The following GEMIN7 variants were observed in gnomAD, a reference collection of about 807,000 sequenced individuals.
GEMIN7 encodes gem-associated protein 7.
GEMIN7 carries 7 observed loss-of-function variants against 7.8 expected under a neutral mutation model. That is an observed-to-expected ratio of 0.90 (90% confidence interval 0.51 to 1.69). The LOEUF (loss-of-function observed/expected upper bound fraction) is 1.69, where lower values mean the gene tolerates loss of function less well. Ranked by LOEUF, GEMIN7 falls within the 40% of genes most tolerant of loss-of-function variation. The probability of loss-of-function intolerance (pLI) is 0.00; values close to 1 mark genes in which losing one functional copy is unlikely to be tolerated. For missense variants in GEMIN7, 159 were observed against 176.2 expected, an observed-to-expected ratio of 0.90 and a Z score of 0.55; for synonymous variants, 68 against 72.4, an observed-to-expected ratio of 0.94 and a Z score of 0.31.
intron 2 of GEMIN7, among the ~76,000 whole-genome samples, chr19:45,086,563 G>A (rs931333364): frequency 1.3e-5 from 2 of 152,124 alleles, no homozygotes; most frequent in South Asian, 2.1e-4. Flanking sequence ...CCCCATGCCC[G>A]CCCTGTGAGT....
intron 2 of GEMIN7, among the ~76,000 whole-genome samples, chr19:45,084,662 C>G (rs1967619199): frequency 1.3e-5 from 2 of 152,250 alleles, no homozygotes; most frequent in Non-Finnish European, 2.9e-5. Context: ...ACTGCAACCT[C>G]TGCCTCCCGG....
chr19:45,089,086 C>T (rs1219132220), intron 2 of GEMIN7, among the ~76,000 whole-genome samples: 4 of 151,916 alleles, frequency 2.6e-5, no homozygotes, highest in East Asian at 3.9e-4. Context: ...GGACTACAGG[C>T]GCATGACACC....
At chr19:45,085,277 G>C (rs536848122) in intron 2 of GEMIN7, 4 of 152,108 alleles carry the variant, frequency 2.6e-5, no homozygotes, top group Non-Finnish European at 5.9e-5. Context: ...TGACCTGTTT[G>C]TCTGCATCAG....
rs994505486 is a variant in GEMIN7 at position 45,084,364 on chromosome 19, TATAAA to T, written c.-9+4348_-9+4352del. 9.6e-4 allele frequency among the ~76,000 whole-genome samples: 98 copies of T among 101,886 alleles called. 3 individuals carry two copies. The highest frequency in any genetic ancestry group is 4.1e-3 in the African/African-American group (92 of 22,234). The allele number at this position is 101,886 out of a possible 152,430, so 66.8% of individuals were successfully genotyped here. ...GGGCAATATAGTGCGACTTCATCTC[TATAAA>T]ATAAAATAAAATTAATTAATTAAAA... On this transcript the variant is annotated intron_variant, in intron 2 of 2. Transcript: ENST00000270257.
chr19:45,084,841 T>C (rs1568431287), intron 2 of GEMIN7, among the ~76,000 whole-genome samples: 1 of 152,250 alleles, frequency 6.6e-6, no homozygotes, highest in Non-Finnish European at 1.5e-5. Context: ...CCACAACCTC[T>C]GCCTCCTGAG....
At chr19:45,086,533 G>T (rs556200955) in intron 2 of GEMIN7, among the ~76,000 whole-genome samples, 1 of 152,248 alleles carries the variant, frequency 6.6e-6, no homozygotes, top group East Asian at 1.9e-4. Flanking sequence ...AAACATGGTA[G>T]GTTAGTTAGG....
chr19:45,089,393 G>C (rs954557187), intron 2 of GEMIN7, among the ~76,000 whole-genome samples: 2 of 152,092 alleles, frequency 1.3e-5, no homozygotes, highest in South Asian at 2.1e-4. Flanking sequence ...GTTATAATCT[G>C]TAACTATCAT....
chr19:45,089,639 T>C (rs1293984446), intron 2 of GEMIN7, among the ~76,000 whole-genome samples: 3 of 152,152 alleles, frequency 2.0e-5, no homozygotes, highest in Non-Finnish European at 2.9e-5. Context: ...TGGGCTCAAC[T>C]AATCCTTCTC....
rs893129133 is a variant in GEMIN7, at chr19:45,091,022, C to A, written c.*512C>A. 15 of 172,018 alleles carry A rather than the reference C, an allele frequency of 8.7e-5. No individual in the cohort carries two copies. The highest frequency in any genetic ancestry group is 1.8e-4 in the South Asian group (1 of 5,614). The allele number at this position is 172,018 out of a possible 1,614,324, so 10.7% of individuals were successfully genotyped here. A position where few individuals can be genotyped will look rare whatever the true frequency, so the allele number is the denominator to read the frequency against. ...AGGGCTGAATCCAGTGGAGCTGGGCCAAGTACGACAGGAGTCCAGATAAAG... is the reference window on the plus strand; with the variant it reads ...AGGGCTGAATCCAGTGGAGCTGGGCAAAGTACGACAGGAGTCCAGATAAAG... On this transcript the variant is annotated 3_prime_UTR_variant, in exon 3 of 3. Coordinates refer to ENST00000270257, the MANE Select transcript of GEMIN7 (RefSeq NM_024707.3).
At chr19:45,077,582 T>G (rs1967380701), upstream of GEMIN7, among the ~76,000 whole-genome samples, 1 of 152,186 alleles carries the variant, frequency 6.6e-6, no homozygotes, top group Non-Finnish European at 1.5e-5. Flanking sequence ...CCAGCTGTCC[T>G]CAGCCCAGAT....
chr19:45,087,074 T>C (rs984626214), intron 2 of GEMIN7, among the ~76,000 whole-genome samples: 4 of 152,122 alleles, frequency 2.6e-5, no homozygotes, highest in Admixed American at 2.0e-4. Flanking sequence ...CTTGAACTCT[T>C]GATCTCGTGA....
rs1411486479 is a variant in GEMIN7, at chr19:45,090,188, T to C, written c.74T>C (p.Phe25Ser). 8 of 1,614,180 alleles carry C rather than the reference T, an allele frequency of 5.0e-6. No individual in the cohort carries two copies. The highest frequency in any genetic ancestry group is 6.8e-6 in the Non-Finnish European group (8 of 1,180,034). The part of the protein sequence containing the change: ...PRGPDGFSRG[F>S]APDGRRAPLR... The stretch of plus-strand genomic sequence containing the variant: ...GGCCCTGATGGCTTCAGCCGTGGCT[T>C]TGCCCCTGATGGACGCAGAGCCCCC... The change falls in exon 3 of 3, where the codon TTT becomes TCT. Residue 25 changes from phenylalanine (F) to serine (S), a missense_variant. Coordinates refer to ENST00000270257, the MANE Select transcript of GEMIN7 (RefSeq NM_024707.3).
chr19:45,084,672 G>T (rs1204514914), intron 2 of GEMIN7, among the ~76,000 whole-genome samples: 13 of 152,162 alleles, frequency 8.5e-5, no homozygotes, highest in Non-Finnish European at 8.8e-5. Flanking sequence ...CTGCCTCCCG[G>T]GTTCAAGAGA....
chr19:45,090,136 C>CCCGTGCCTGTGCT lies in GEMIN7; in HGVS notation c.26_38dup (p.Leu14AlafsTer10). ...GACAATGCAAACTCCAGTGAACATT[C>CCCGTGCCTGTGCT]CCGTGCCTGTGCTCCGGCTGCCCCG... is the stretch of plus-strand genomic sequence containing the variant. On this transcript the variant is annotated frameshift_variant, in exon 3 of 3. Coordinates refer to ENST00000270257, the MANE Select transcript of GEMIN7 (RefSeq NM_024707.3). LOFTEE classifies it high-confidence loss of function. The CCCGTGCCTGTGCT allele has an allele frequency of 1.2e-6, 2 of 1,613,190 alleles. No individual in the cohort carries two copies. Among genetic ancestry groups the CCCGTGCCTGTGCT allele is most frequent in the South Asian group, 2.2e-5 (2 of 91,068 alleles).
upstream of GEMIN7, chr19:45,076,475 G>T: frequency 1.2e-6 from 1 of 862,406 alleles, no homozygotes; most frequent in South Asian, 5.7e-5. This position sits in a 1 kb window ranked among gnomAD's most constrained non-coding sequence, Gnocchi z 4.9. Context: ...TCAGGTGAGT[G>T]ACTGCGGCGA....
upstream of GEMIN7, chr19:45,075,890 T>C (rs1405379591): frequency 1.9e-6 from 3 of 1,600,132 alleles, no homozygotes; most frequent in Non-Finnish European, 1.7e-6. Flanking sequence ...GTGGTGAGCG[T>C]GGGGTGGGGC....
chr19:45,079,583 T>C (rs1967429228), intron 1 of GEMIN7, among the ~76,000 whole-genome samples: 1 of 152,246 alleles, frequency 6.6e-6, no homozygotes, highest in African/African-American at 2.4e-5. Flanking sequence ...CCGCTTTACC[T>C]GGAGCGGAAT....
intron 2 of GEMIN7, among the ~76,000 whole-genome samples, chr19:45,082,340 C>G (rs1003909662): frequency 6.6e-6 from 1 of 152,172 alleles, no homozygotes; most frequent in Admixed American, 6.5e-5. Context: ...TATGCTCAAA[C>G]GTAATCTTAT....
intron 2 of GEMIN7, among the ~76,000 whole-genome samples, chr19:45,080,874 T>C (rs1244965903): frequency 1.3e-5 from 2 of 151,426 alleles, no homozygotes; most frequent in Non-Finnish European, 2.9e-5. Flanking sequence ...TCTAATCCTA[T>C]CTAAGTCATT....
Sources: gnomAD v4.1 joint callset for allele counts (sites outside exome capture counted in the v4.1 genomes callset) on GRCh38, gnomAD v4.1.1 for gene constraint, Gnocchi (gnomAD v3.1) non-coding constraint, MANE v1.5 for transcripts, NCBI Gene and HGNC (gene_info 2026-07-23, HGNC 2026-07-21) for gene names.